ERC2: variants seen among roughly 807,000 people sequenced by gnomAD.
ERC2 encodes the protein ELKS/RAB6-interacting/CAST family member 2, also known as ERC protein 2.
In ERC2, 42 loss-of-function variants were observed where a neutral mutation model predicts 114.8. The observed-to-expected ratio is 0.37, with a 90% confidence interval of 0.29 to 0.47. The LOEUF is 0.47. Ranked by LOEUF, ERC2 falls within the 20% of genes least tolerant of loss-of-function variation. The pLI is 0.99. For synonymous variants in ERC2, 454 were observed against 425.5 expected, an observed-to-expected ratio of 1.07 and a Z score of -0.82; for missense variants, 939 against 1,150.7, an observed-to-expected ratio of 0.82 and a Z score of 2.66.
chr3:56,320,287 A>G (rs1335048673), intron 2 of ERC2, among the ~76,000 whole-genome samples: 2 of 152,256 alleles, frequency 1.3e-5, no homozygotes, highest in African/African-American at 4.8e-5. Context: ...GGAAACAAAA[A>G]TATTATTTCA....
At chr3:55,742,391 G>C (rs770345742) in intron 14 of ERC2, among the ~76,000 whole-genome samples, 2 of 152,180 alleles carry the variant, frequency 1.3e-5, no homozygotes, top group African/African-American at 4.8e-5. Context: ...AGGCCAATTA[G>C]GAACTATTAC....
At chr3:55,866,108 C>T (rs2062301019) in intron 14 of ERC2, among the ~76,000 whole-genome samples, 1 of 152,126 alleles carries the variant, frequency 6.6e-6, no homozygotes, top group Non-Finnish European at 1.5e-5. Context: ...CACATCCTCA[C>T]CAACACTTGT....
intron 13 of ERC2, among the ~76,000 whole-genome samples, chr3:55,943,477 G>A (rs1478471828): frequency 6.6e-6 from 1 of 151,220 alleles, no homozygotes; most frequent in Admixed American, 6.6e-5. Flanking sequence ...TTCAGTGTAC[G>A]AAACCTGAGG....
At chr3:55,557,479 A>G (rs2055698418) in intron 17 of ERC2, among the ~76,000 whole-genome samples, 1 of 152,184 alleles carries the variant, frequency 6.6e-6, no homozygotes, top group African/African-American at 2.4e-5. Context: ...GTTTTCTACA[A>G]CAGATATCAG....
intron 1 of ERC2, among the ~76,000 whole-genome samples, chr3:56,458,082 T>C (rs1210733979): frequency 1.3e-5 from 2 of 152,240 alleles, no homozygotes; most frequent in Non-Finnish European, 2.9e-5. Context: ...AAAGCAAGCA[T>C]ACACTTTTAC....
chr3:55,739,532 A>G (rs1468211483), intron 14 of ERC2, among the ~76,000 whole-genome samples: 4 of 152,018 alleles, frequency 2.6e-5, no homozygotes, highest in African/African-American at 7.3e-5. Flanking sequence ...TTTTTTGAAT[A>G]TGTTTGTTGG....
intron 17 of ERC2, among the ~76,000 whole-genome samples, chr3:55,516,759 G>A (rs1307249239): frequency 2.0e-5 from 3 of 152,202 alleles, no homozygotes; most frequent in Non-Finnish European, 4.4e-5. Flanking sequence ...CTATGTCTCC[G>A]TAGGATTTAT....
chr3:55,857,390 G>T (rs2061836414), intron 14 of ERC2, among the ~76,000 whole-genome samples: 1 of 151,968 alleles, frequency 6.6e-6, no homozygotes, highest in Non-Finnish European at 1.5e-5. Flanking sequence ...CCCTCTCCCT[G>T]TATCATTTTT....
chr3:55,798,846 C>T (rs989913604), intron 14 of ERC2, among the ~76,000 whole-genome samples: 8 of 144,070 alleles, frequency 5.6e-5, no homozygotes, highest in Non-Finnish European at 6.0e-5. Context: ...TTTGTAAACG[C>T]ATAAAGAATT....
intron 17 of ERC2, among the ~76,000 whole-genome samples, chr3:55,583,910 A>T (rs58676646): frequency 0.079 from 12,022 of 152,076 alleles, 548 homozygotes; most frequent in African/African-American, 0.12. Context: ...AAACAGGTAC[A>T]GGGTTAGGAG....
At position 55,751,511 on chromosome 3, in the gene ERC2, G is replaced by GTA. The variant is rs946472603; in HGVS notation, c.2565-16595_2565-16594dup. Among the ~76,000 whole-genome samples the GTA allele has an allele frequency of 1.7e-4, 26 of 152,256 alleles. No individual in the cohort carries two copies. In the East Asian group the frequency reaches 4.2e-3, roughly 25 times the overall value. ...ATTTTGTTGGATTTTAGCACAATAT[G>GTA]TATATATATATTGGTGGAATATGAA... is the stretch of plus-strand genomic sequence containing the variant. On this transcript the variant is annotated intron_variant, in intron 14 of 17. Transcript: ENST00000288221.
intron 14 of ERC2, among the ~76,000 whole-genome samples, chr3:55,739,208 C>T (rs1036317364): frequency 1.3e-5 from 2 of 152,034 alleles, no homozygotes; most frequent in African/African-American, 2.4e-5. Flanking sequence ...TGAATAGTGC[C>T]GCAATAAACA....
At chr3:55,865,832 T>A (rs2062285947) in intron 14 of ERC2, among the ~76,000 whole-genome samples, 1 of 152,206 alleles carries the variant, frequency 6.6e-6, no homozygotes, top group Non-Finnish European at 1.5e-5. Context: ...GGATGTACCA[T>A]CTTTTGTCTA....
chr3:55,717,862 G>A (rs2064217633), intron 15 of ERC2, among the ~76,000 whole-genome samples: 1 of 152,214 alleles, frequency 6.6e-6, no homozygotes, highest in African/African-American at 2.4e-5. Context: ...AGATCGTGCA[G>A]AAGGGAGGAA....
chr3:56,242,816 G>A (rs186642277), intron 3 of ERC2, among the ~76,000 whole-genome samples: 6 of 152,248 alleles, frequency 3.9e-5, no homozygotes, highest in Admixed American at 3.9e-4. Context: ...TTGTAGGCTG[G>A]TCTTACTCTC....
chr3:55,762,049 T>C (rs1219689130), intron 14 of ERC2, among the ~76,000 whole-genome samples: 1 of 151,128 alleles, frequency 6.6e-6, no homozygotes, highest in African/African-American at 2.4e-5. Context: ...ATTTTAAGTT[T>C]CCTGAGGGCT....
At chr3:56,186,276 G>T (rs886729161) in intron 3 of ERC2, among the ~76,000 whole-genome samples, 3 of 152,128 alleles carry the variant, frequency 2.0e-5, no homozygotes, top group African/African-American at 7.2e-5. Flanking sequence ...TGCTAAACAT[G>T]TGGTAATTTG....
chr3:56,209,562 A>C (rs150300009), intron 3 of ERC2, among the ~76,000 whole-genome samples: 1 of 152,328 alleles, frequency 6.6e-6, no homozygotes, highest in Non-Finnish European at 1.5e-5. Context: ...GCCAGTGCTA[A>C]GGAAATATTC....
chr3:56,389,117 A>C (rs1236777863), intron 2 of ERC2, among the ~76,000 whole-genome samples: 1 of 152,198 alleles, frequency 6.6e-6, no homozygotes, highest in Non-Finnish European at 1.5e-5. Context: ...AATACATTGT[A>C]GATAAATGGG....
Sources: gnomAD v4.1 joint callset for allele counts (sites outside exome capture counted in the v4.1 genomes callset) on GRCh38, gnomAD v4.1.1 for gene constraint, MANE v1.5 for transcripts, NCBI Gene and HGNC (gene_info 2026-07-23, HGNC 2026-07-21) for gene names.